Variants in SEMG2 observed in about 807,000 individuals in gnomAD.
The protein encoded by SEMG2 is semenogelin 2, also known as semenogelin-2.
SEMG2 carries 3 observed loss-of-function variants against 8.1 expected under a neutral mutation model. The observed-to-expected ratio is 0.37, with a 90% CI of 0.17 to 0.96. The LOEUF (loss-of-function observed/expected upper bound fraction) is 0.96. SEMG2 is among the 40% of genes least tolerant of loss of function. SEMG2 has a pLI of 0.41. For missense variants in SEMG2, 726 were observed against 671.2 expected, an observed-to-expected ratio of 1.08 and a Z score of -0.90; for synonymous variants, 252 against 231.4, an observed-to-expected ratio of 1.09 and a Z score of -0.81.
In SEMG2 at chr20:45,222,127, G is replaced by T. The variant is rs1474595543; in HGVS notation, c.495G>T (p.Arg165Ser). ...GTCAATGTTCAAACACAGAAAAAAG[G>T]CTATGGGTTCATGGACTAAGTAAAG... Reference protein sequence around the residue: ...LSSQCSNTEKRLWVHGLSKEQ... With the variant: ...LSSQCSNTEKSLWVHGLSKEQ... The change falls in exon 2 of 3, where the codon AGG becomes AGT. Residue 165 changes from arginine (R) to serine (S), a missense_variant. Physicochemically the swap from Arg to Ser is moderately radical, Grantham distance 110 (BLOSUM62 -1). Coordinates refer to ENST00000372769, the MANE Select transcript of SEMG2 (RefSeq NM_003008.3). The T allele has an allele frequency of 1.2e-6, 2 of 1,613,950 alleles. No individual in the cohort carries two copies. The highest frequency in any genetic ancestry group is 1.7e-5 in the Admixed American group (1 of 59,960).
rs1489952823 is a variant in SEMG2, at chr20:45,221,868, C to A, written c.236C>A (p.Thr79Asn). 1.2e-6 allele frequency: 2 copies of A among 1,613,860 alleles called. No homozygotes were observed. The highest frequency in any genetic ancestry group is 1.7e-6 in the Non-Finnish European group (2 of 1,179,986). Residue 79 changes from threonine to asparagine, a missense_variant, in exon 2 of 3, where the codon ACC (threonine) becomes AAC (asparagine). Thr to Asn is a moderately conservative substitution (Grantham distance 65, BLOSUM62 0). Coordinates refer to ENST00000372769, the MANE Select transcript of SEMG2 (RefSeq NM_003008.3). The part of the protein sequence containing the change: ...YHVDINDHDW[T>N]RKSQQYDLNA... ...GTAGACATCAATGATCATGACTGGACCCGAAAAAGTCAGCAATATGATTTG... is the reference window on the plus strand; with the variant it reads ...GTAGACATCAATGATCATGACTGGAACCGAAAAAGTCAGCAATATGATTTG...
Position 45,222,436 on chromosome 20 carries a change from C to CA in SEMG2, c.804_805insA (p.Gln269ThrfsTer17), listed in dbSNP as rs775023891. ...TCCTAGTATATAACAAGAATCAACA[C>CA]CAGACAAAAAATCTCAGTCAAGATC... On this transcript the variant is annotated frameshift_variant, in exon 2 of 3. Transcript: ENST00000372769. LOFTEE classifies it low-confidence loss of function (END_TRUNC). The CA allele has an allele frequency of 1.9e-6, 3 of 1,613,912 alleles. No homozygotes were observed. In the African/African-American group the frequency reaches 4.0e-5, roughly 22 times the overall value.
Position 45,222,280 on chromosome 20 carries a change from T to C in SEMG2, c.648T>C (p.Asn216=), listed in dbSNP as rs1203970158. Residue 216 remains asparagine (N), a synonymous_variant, in exon 2 of 3, where the codon AAT becomes AAC. Coordinates refer to ENST00000372769, the MANE Select transcript of SEMG2 (RefSeq NM_003008.3). ...GTGAGACTAAAAATTCTCATCAAAA[T>C]AAAGGGCATTACCAAAATGTGGTTG... ...QQRETKNSHQ[N]KGHYQNVVDV... 6.2e-7 allele frequency: 1 copy of C among 1,613,986 alleles called. No individual in the cohort carries two copies. The highest frequency in any genetic ancestry group is 8.5e-7 in the Non-Finnish European group (1 of 1,179,976).
Position 45,221,535 on chromosome 20 carries a change from A to G in SEMG2, c.76+70A>G, listed in dbSNP as rs1013522296. 1.9e-6 allele frequency: 3 copies of G among 1,554,818 alleles called. No individual in the cohort carries two copies. The African/African-American group carries it at 4.1e-5, about 21-fold the overall frequency. On this transcript the variant is annotated intron_variant, in intron 1 of 2. Coordinates refer to ENST00000372769, the MANE Select transcript of SEMG2 (RefSeq NM_003008.3). The stretch of plus-strand genomic sequence containing the variant: ...TGGCCTCTAAGGATATTCAGGGTGC[A>G]AACAGTAACCTGTTCAGGCACAGAT...
rs1984070845 is a variant in SEMG2 at position 45,223,316 on chromosome 20, G to A, written c.1684G>A (p.Glu562Lys). Residue 562 changes from glutamate (E) to lysine (K), a missense_variant, in exon 2 of 3, where the codon GAG (glutamate) becomes AAG (lysine). Physicochemically the swap from Glu to Lys is moderately conservative, Grantham distance 56 (BLOSUM62 1). Transcript: ENST00000372769. ...ACATAATATTGTAATTACTGAGCAT[G>A]AGGTTGCCCAAGATGATCATTTGAC... ...ESHNIVITEH[E>K]VAQDDHLTQQ... The A allele has an allele frequency of 1.2e-6, 2 of 1,614,102 alleles. No individual in the cohort carries two copies. Among genetic ancestry groups the A allele is most frequent in the Admixed American group, 1.7e-5 (1 of 60,016 alleles).
intron 2 of SEMG2, 114 bp downstream of exon 2, chr20:45,223,539 CAAGTGGTGGG>C: frequency 1.9e-6 from 1 of 534,506 alleles, no homozygotes; most frequent in African/African-American, 1.9e-5. Flanking sequence ...TGCTATATTA[CAAGTGGTGGG>C]AAGATGAACA....
intron 1 of SEMG2, 100 bp from the exon 2 acceptor site, chr20:45,221,609 T>C (rs1984013892): frequency 7.1e-7 from 1 of 1,402,848 alleles, no homozygotes; most frequent in East Asian, 2.3e-5. Context: ...GCTGTAGGCT[T>C]TTGGAAATAT....
rs1390943242 is a variant in SEMG2, at chr20:45,223,069, C to A, written c.1437C>A (p.Asn479Lys). Residue 479 changes from asparagine (N) to lysine (K), a missense_variant, in exon 2 of 3, where the codon AAC becomes AAA. Physicochemically the swap from Asn to Lys is moderately conservative, Grantham distance 94 (BLOSUM62 0). Coordinates refer to ENST00000372769, the MANE Select transcript of SEMG2 (RefSeq NM_003008.3). ...QSSSTEERRL[N>K]YGGKSTQKDV... ...CAAGTACAGAAGAAAGACGACTCAA[C>A]TATGGAGGAAAGAGCACGCAGAAAG... 1 of 1,614,158 alleles carries A rather than the reference C, an allele frequency of 6.2e-7. No individual in the cohort carries two copies. Among genetic ancestry groups the A allele is most frequent in the Non-Finnish European group, 8.5e-7 (1 of 1,180,024 alleles).
chr20:45,222,976 C>T lies in SEMG2; in HGVS notation c.1344C>T (p.Asn448=). Residue 448 remains asparagine (N), a synonymous_variant, in exon 2 of 3, where the codon AAC becomes AAT. Coordinates refer to ENST00000372769, the MANE Select transcript of SEMG2 (RefSeq NM_003008.3). ...AGAAAATACATGGCAAGTCTCAAAACCAGGTAACAATTCCTAGTCAAGATC... is the reference window on the plus strand; with the variant it reads ...AGAAAATACATGGCAAGTCTCAAAATCAGGTAACAATTCCTAGTCAAGATC... ...TEEKIHGKSQ[N]QVTIPSQDQE... 3.7e-6 allele frequency: 6 copies of T among 1,614,002 alleles called. No homozygotes were observed. The highest frequency in any genetic ancestry group is 5.1e-6 in the Non-Finnish European group (6 of 1,180,006).
At position 45,223,181 on chromosome 20, in the gene SEMG2, C is replaced by T. The variant is rs752898417; in HGVS notation, c.1549C>T (p.Gln517Ter). 26 of 1,614,106 alleles carry T rather than the reference C, an allele frequency of 1.6e-5. No individual in the cohort carries two copies. In the East Asian group the frequency reaches 5.8e-4, roughly 36 times the overall value. Residue 517 changes from glutamine to a stop codon, truncating the protein, a stop_gained, in exon 2 of 3, where the codon CAA becomes TAA. Transcript: ENST00000372769. LOFTEE classifies it low-confidence loss of function (END_TRUNC). ...CCAGACACCAAATCCTAATCAAGAT[C>T]AATGGTCTGGCCAAAATGCAAAAGG... The part of the protein sequence containing the change: ...QIQTPNPNQD[Q>*]WSGQNAKGKS...
Position 45,221,450 on chromosome 20 carries a change from G to A in SEMG2, c.61G>A (p.Val21Met). 6.2e-7 allele frequency: 1 copy of A among 1,614,168 alleles called. No homozygotes were observed. The highest frequency in any genetic ancestry group is 8.5e-7 in the Non-Finnish European group (1 of 1,180,012). Residue 21 changes from valine (V) to methionine (M), a missense_variant, in exon 1 of 3, where the codon GTG (valine) becomes ATG (methionine). Coordinates refer to ENST00000372769, the MANE Select transcript of SEMG2 (RefSeq NM_003008.3). The part of the protein sequence containing the change: ...LLLILEKQAA[V>M]MGQKGGSKGQ... ...CCTTATCTTGGAGAAGCAAGCAGCT[G>A]TGATGGGACAAAAAGGTGAGTGGAG...
At position 45,222,604 on chromosome 20, in the gene SEMG2, C is replaced by T; in HGVS notation, c.972C>T (p.Gly324=). ...TCCAAACTGAAGAGAAAATACATGG[C>T]AAGTCTCAAAACCAGGTAACAATTC... ...ISIQTEEKIH[G]KSQNQVTIHS... Residue 324 remains glycine, a synonymous_variant, in exon 2 of 3, where the codon GGC becomes GGT. Coordinates refer to ENST00000372769, the MANE Select transcript of SEMG2 (RefSeq NM_003008.3). The T allele has an allele frequency of 6.2e-7, 1 of 1,614,114 alleles. No individual in the cohort carries two copies. The highest frequency in any genetic ancestry group is 8.5e-7 in the Non-Finnish European group (1 of 1,180,010).
At position 45,223,417 on chromosome 20, in the gene SEMG2, A is replaced by AGGCCGGGCGCGGTGGCTC; in HGVS notation, c.*36_*37insGGCCGGGCGCGGTGGCTC. ...TAGCAACCACTTGAAAAGCTGGACC[A>AGGCCGGGCGCGGTGGCTC]ATAGCAAGGTAAGTTTGCTTTTCTT... On this transcript the variant is annotated 3_prime_UTR_variant, in exon 2 of 3. Coordinates refer to ENST00000372769, the MANE Select transcript of SEMG2 (RefSeq NM_003008.3). 1 of 1,477,606 alleles carries AGGCCGGGCGCGGTGGCTC rather than the reference A, an allele frequency of 6.8e-7. No individual in the cohort carries two copies. The highest frequency in any genetic ancestry group is 2.3e-5 in the East Asian group (1 of 43,950). The allele number at this position is 1,477,606 out of a possible 1,614,324, so 91.5% of individuals were successfully genotyped here. A position where few individuals can be genotyped will look rare whatever the true frequency, so the allele number is the denominator to read the frequency against.
chr20:45,223,489 A>T (rs1984075536), intron 2 of SEMG2, 64 bp downstream of exon 2: 6 of 665,066 alleles, frequency 9.0e-6, no homozygotes, highest in Non-Finnish European at 1.6e-5. Context: ...CTCTCCAGGA[A>T]CATGGTAGGA....
chr20:45,223,059 G>T lies in SEMG2; in HGVS notation c.1427G>T (p.Arg476Ile), dbSNP rs1160537391. 2 of 1,614,038 alleles carry T rather than the reference G, an allele frequency of 1.2e-6. No individual in the cohort carries two copies. The highest frequency in any genetic ancestry group is 1.7e-6 in the Non-Finnish European group (2 of 1,180,020). The stretch of plus-strand genomic sequence containing the variant: ...TACCAATCTTCAAGTACAGAAGAAA[G>T]ACGACTCAACTATGGAGGAAAGAGC... ...MSYQSSSTEE[R>I]RLNYGGKSTQ... Residue 476 changes from arginine to isoleucine, a missense_variant, in exon 2 of 3, where the codon AGA (arginine) becomes ATA (isoleucine). Physicochemically the swap from Arg to Ile is moderately conservative, Grantham distance 97 (BLOSUM62 -3). Coordinates refer to ENST00000372769, the MANE Select transcript of SEMG2 (RefSeq NM_003008.3).
chr20:45,223,573 AGTAGAGGACCTG>A, intron 2 of SEMG2, 148 bp downstream of exon 2: 1 of 508,822 alleles, frequency 2.0e-6, no homozygotes, highest in South Asian at 3.4e-5. Context: ...TTTCCTGGCG[AGTAGAGGACCTG>A]GTAGTGGCAG....
At chr20:45,223,597 G>C (rs1600658802) in intron 2 of SEMG2, among the ~76,000 whole-genome samples, 172 bp downstream of exon 2, 1 of 152,298 alleles carries the variant, frequency 6.6e-6, no homozygotes, top group Non-Finnish European at 1.5e-5. Context: ...TAGTGGCAGG[G>C]AAGGCTGCTT....
chr20:45,223,137 T>C lies in SEMG2; in HGVS notation c.1505T>C (p.Val502Ala), dbSNP rs375466559. The C allele has an allele frequency of 7.4e-5, 120 of 1,614,008 alleles. No homozygotes were observed. The highest frequency in any genetic ancestry group is 9.3e-5 in the Non-Finnish European group (110 of 1,179,944). Residue 502 changes from valine to alanine, a missense_variant, in exon 2 of 3, where the codon GTA becomes GCA. Coordinates refer to ENST00000372769, the MANE Select transcript of SEMG2 (RefSeq NM_003008.3). ...ATTTCTTTCCAAATTGAAAAGCTAG[T>C]AGAAGGCAAGTCTCAAATCCAGACA... ...SSISFQIEKL[V>A]EGKSQIQTPN... is the part of the protein sequence containing the mutation.
In SEMG2 at chr20:45,221,384, A is replaced by G; in HGVS notation, c.-6A>G. 1 of 1,613,934 alleles carries G rather than the reference A, an allele frequency of 6.2e-7. No homozygotes were observed. Among genetic ancestry groups the G allele is most frequent in the Non-Finnish European group, 8.5e-7 (1 of 1,179,816 alleles). On this transcript the variant is annotated 5_prime_UTR_variant, in exon 1 of 3. Transcript: ENST00000372769. The stretch of plus-strand genomic sequence containing the variant: ...CTCAGTTCTCAGACAAGATTTTTCA[A>G]GCAAGATGAAGTCCATCATCCTCTT...
Sources: allele counts gnomAD v4.1 joint callset (sites outside exome capture counted in the v4.1 genomes callset), GRCh38; gene constraint gnomAD v4.1.1; transcripts MANE v1.5; gene names NCBI Gene and HGNC (gene_info 2026-07-23, HGNC 2026-07-21).